SLC38A10: variants seen among roughly 807,000 people sequenced by gnomAD.
The protein encoded by SLC38A10 is Sodium-coupled neutral amino acid transporter 10.
In SLC38A10, 53 loss-of-function variants were observed where a neutral mutation model predicts 81.0. The observed-to-expected ratio is 0.65, with a 90% confidence interval of 0.53 to 0.82. The LOEUF is 0.82. SLC38A10 is among the 40% of genes least tolerant of loss of function. The pLI is 0.00. For missense variants in SLC38A10, 1,471 were observed against 1,545.0 expected (o/e 0.95, Z 0.80); for synonymous variants, 665 against 655.3 (o/e 1.01, Z -0.23).
chr17:81,251,371 C>T, intron 14 of SLC38A10, 122 bp downstream of exon 14: 1 of 1,612,722 alleles, frequency 6.2e-7, no homozygotes, highest in Non-Finnish European at 8.5e-7. Flanking sequence ...CAGCAGGCGG[C>T]TGGAAAGAGA....
rs139258437 is a variant in SLC38A10 at position 81,244,854 on chromosome 17, A to G, written c.*702T>C. 7 of 154,976 alleles carry G rather than the reference A, an allele frequency of 4.5e-5. No individual in the cohort carries two copies. In the East Asian group the frequency reaches 9.2e-4, roughly 20 times the overall value. The allele number at this position is 154,976 out of a possible 1,614,324, so 9.6% of individuals were successfully genotyped here. A position where few individuals can be genotyped will look rare whatever the true frequency, so the allele number is the denominator to read the frequency against. On this transcript the variant is annotated 3_prime_UTR_variant, in exon 16 of 16. Coordinates refer to ENST00000374759, the MANE Select transcript of SLC38A10 (RefSeq NM_001037984.3). The stretch of plus-strand genomic sequence containing the variant: ...TTTTTACTTTTTAAAAAAAGCCACA[A>G]TTGGATTTTGAAAAACACAGACAAT...
intron 8 of SLC38A10, among the ~76,000 whole-genome samples, chr17:81,272,946 T>C (rs2063130080): frequency 6.6e-6 from 1 of 151,198 alleles, no homozygotes; most frequent in African/African-American, 2.4e-5. Context: ...ACCACGAGAG[T>C]TTTTTAAGTG....
chr17:81,246,303 C>T lies in SLC38A10; in HGVS notation c.2613G>A (p.Glu871=), dbSNP rs1359783466. ...PDPAREAGGP[E]ERLAEEFPGQ... is the part of the protein sequence containing the mutation. ...CAGGGAATTCCTCTGCGAGGCGCTC[C>T]TCTGGGCCCCCGGCTTCCCTGGCGG... The change falls in exon 16 of 16, where the codon GAG becomes GAA. Residue 871 remains glutamate, a synonymous_variant. Transcript: ENST00000374759. 27 of 1,611,248 alleles carry T rather than the reference C, an allele frequency of 1.7e-5. No homozygotes were observed. The highest frequency in any genetic ancestry group is 2.7e-5 in the African/African-American group (2 of 74,948).
intron 10 of SLC38A10, chr17:81,263,947 A>C (rs2063046860): frequency 6.6e-6 from 1 of 152,458 alleles, no homozygotes; most frequent in Non-Finnish European, 1.5e-5. Flanking sequence ...GCATTCACTG[A>C]AGTCCCCAAG....
intron 2 of SLC38A10, among the ~76,000 whole-genome samples, chr17:81,287,905 G>A (rs979927762): frequency 3.9e-5 from 6 of 152,250 alleles, no homozygotes; most frequent in African/African-American, 9.6e-5. Flanking sequence ...CCTCAGTGAG[G>A]AGAAAAGGGT....
rs2063157711 is a variant in SLC38A10 at position 81,275,990 on chromosome 17, G to A, written c.891C>T (p.Ser297=). 4 of 1,613,526 alleles carry A rather than the reference G, an allele frequency of 2.5e-6. No individual in the cohort carries two copies. In the South Asian group the frequency reaches 3.3e-5, roughly 13 times the overall value. ...TTACCTGCTGCTCACACAGCAGCGTGCTCAGGGCCTGCCTGCATGGCAGGA... is the reference window on the plus strand; with the variant it reads ...TTACCTGCTGCTCACACAGCAGCGTACTCAGGGCCTGCCTGCATGGCAGGA... ...MMILPCRQAL[S]TLLCEQQQKD... Residue 297 remains serine (S), a synonymous_variant, in exon 8 of 16, where the codon AGC becomes AGT. Transcript: ENST00000374759.
chr17:81,259,146 C>T (rs995247186), intron 11 of SLC38A10, among the ~76,000 whole-genome samples: 2 of 152,234 alleles, frequency 1.3e-5, no homozygotes, highest in Middle Eastern at 3.2e-3. Flanking sequence ...CCCACGCACT[C>T]AGCCGACGCC....
At chr17:81,271,570 C>G (rs1038610397) in intron 9 of SLC38A10, among the ~76,000 whole-genome samples, 1 of 152,130 alleles carries the variant, frequency 6.6e-6, no homozygotes, top group African/African-American at 2.4e-5. Flanking sequence ...TAAATATGTT[C>G]AGAGCCTTCA....
intron 11 of SLC38A10, among the ~76,000 whole-genome samples, chr17:81,255,177 G>A (rs1324413540): frequency 6.6e-6 from 1 of 152,256 alleles, no homozygotes; most frequent in African/African-American, 2.4e-5. Context: ...AGTGTTGCTG[G>A]ATTGCACGGG....
intron 11 of SLC38A10, among the ~76,000 whole-genome samples, chr17:81,259,447 A>AGCAC (rs1488717357): frequency 5.9e-5 from 9 of 152,226 alleles, no homozygotes; most frequent in Non-Finnish European, 7.3e-5. Flanking sequence ...CATCGTGGAC[A>AGCAC]GCACCTACCT....
intron 13 of SLC38A10, chr17:81,251,855 G>T (rs1002051928): frequency 1.9e-6 from 1 of 528,464 alleles, no homozygotes; most frequent in African/African-American, 2.0e-5. Context: ...TAAAATGCAA[G>T]AACTGTCCTA....
rs2146965421 is a variant in SLC38A10 at position 81,295,021 on chromosome 17, G to C, written c.-100C>G. On this transcript the variant is annotated 5_prime_UTR_variant, in exon 1 of 16. Transcript: ENST00000374759. ...CGAGGCCACGGTCACAGGTCCCAACGTCCGGGACGCCGGTGGGGAGGGGAT... is the reference window on the plus strand; with the variant it reads ...CGAGGCCACGGTCACAGGTCCCAACCTCCGGGACGCCGGTGGGGAGGGGAT... The C allele has an allele frequency of 2.1e-6, 3 of 1,397,226 alleles. No homozygotes were observed. Among genetic ancestry groups the C allele is most frequent in the Non-Finnish European group, 2.8e-6 (3 of 1,070,238 alleles). 86.6% of individuals were successfully genotyped at this position (1,397,226 alleles called of 1,614,324 possible).
At chr17:81,251,695 G>A (rs569613060) in intron 13 of SLC38A10, 83 bp from the exon 14 acceptor site, 14 of 1,379,900 alleles carry the variant, frequency 1.0e-5, no homozygotes, top group African/African-American at 1.4e-5. Context: ...AGGCAAGGGC[G>A]GGACAAAAGG....
Position 81,245,363 on chromosome 17 carries a change from C to A in SLC38A10, c.*193G>T. 1 of 682,890 alleles carries A rather than the reference C, an allele frequency of 1.5e-6. No individual in the cohort carries two copies. The highest frequency in any genetic ancestry group is 2.3e-6 in the Non-Finnish European group (1 of 429,604). 42.3% of individuals were successfully genotyped at this position (682,890 alleles called of 1,614,324 possible). On this transcript the variant is annotated 3_prime_UTR_variant, in exon 16 of 16. Transcript: ENST00000374759. The stretch of plus-strand genomic sequence containing the variant: ...CAGACTAAGAGCTGCAACAGAACGA[C>A]AGCAAGAACATTCTGGAAACGATGC...
chr17:81,290,132 T>C (rs2063299249), intron 1 of SLC38A10, among the ~76,000 whole-genome samples: 1 of 152,220 alleles, frequency 6.6e-6, no homozygotes, highest in Non-Finnish European at 1.5e-5. Context: ...GCACCATCTT[T>C]AGCCACTTAA....
At position 81,286,206 on chromosome 17, in the gene SLC38A10, G is replaced by C. The variant is rs1019486537; in HGVS notation, c.218-1311C>G. 6.1e-4 allele frequency among the ~76,000 whole-genome samples: 93 copies of C among 152,328 alleles called. No individual in the cohort carries two copies. Among genetic ancestry groups the C allele is most frequent in the African/African-American group, 2.1e-3 (87 of 41,566 alleles). On this transcript the variant is annotated intron_variant, in intron 2 of 15. Coordinates refer to ENST00000374759, the MANE Select transcript of SLC38A10 (RefSeq NM_001037984.3). This position sits in a 1 kb window ranked among gnomAD's most constrained non-coding sequence, Gnocchi z 6.0. ...GCGCTCCAAACATGAAGTTGCTCCT[G>C]GCCATAATGTGCCTTTTCATTCTCC...
At chr17:81,251,821 G>T in intron 13 of SLC38A10, 1 of 564,758 alleles carries the variant, frequency 1.8e-6, no homozygotes. Flanking sequence ...GTGGCAATGA[G>T]CCAATGGTAA....
In SLC38A10 at chr17:81,251,503, G is replaced by A. The variant is rs1239909576; in HGVS notation, c.2055C>T (p.Ser685=). ...VERAGGNQAA[S]QLEEAGRAEM... ...GGGCGGAGGCCTTACCCTCCAGCTG[G>A]CTGGCCGCCTGGTTTCCACCCGCTC... The change falls in exon 14 of 16, where the codon AGC becomes AGT. Residue 685 remains serine, a synonymous_variant. Coordinates refer to ENST00000374759, the MANE Select transcript of SLC38A10 (RefSeq NM_001037984.3). 6 of 1,599,404 alleles carry A rather than the reference G, an allele frequency of 3.8e-6. No homozygotes were observed. The highest frequency in any genetic ancestry group is 1.3e-5 in the African/African-American group (1 of 74,736).
At position 81,245,513 on chromosome 17, in the gene SLC38A10, C is replaced by T. The variant is rs377603933; in HGVS notation, c.*43G>A. The T allele has an allele frequency of 1.2e-5, 18 of 1,539,814 alleles. No homozygotes were observed. Among genetic ancestry groups the T allele is most frequent in the African/African-American group, 1.1e-4 (8 of 73,006 alleles). ...CGGCTGAGACAGACCTGCTGCTGGC[C>T]GAGGAGGGCAGTGGCTGGCGTGGCC... is the stretch of plus-strand genomic sequence containing the variant. On this transcript the variant is annotated 3_prime_UTR_variant, in exon 16 of 16. Transcript: ENST00000374759.
Sources: allele counts gnomAD v4.1 joint callset (sites outside exome capture counted in the v4.1 genomes callset), GRCh38; gene constraint gnomAD v4.1.1; non-coding constraint Gnocchi (gnomAD v3.1); transcripts MANE v1.5; gene names NCBI Gene and HGNC (gene_info 2026-07-23, HGNC 2026-07-21).